SIK3: variants seen among roughly 807,000 people sequenced by gnomAD.
SIK3 encodes the protein serine/threonine-protein kinase SIK3.
A neutral mutation model predicts 144.2 loss-of-function variants in SIK3; 28 were observed. That is an observed-to-expected ratio of 0.19 (90% CI 0.14 to 0.27). SIK3 has a LOEUF of 0.27. Ranked by LOEUF, SIK3 falls within the 10% of genes least tolerant of loss-of-function variation. SIK3 has a pLI of 1.00. For synonymous variants in SIK3, 686 were observed against 676.3 expected, an observed-to-expected ratio of 1.01 and a Z score of -0.22; for missense variants, 1,319 against 1,776.0, an observed-to-expected ratio of 0.74 and a Z score of 4.62.
chr11:116,961,262 G>A (rs2135419442), intron 1 of SIK3, among the ~76,000 whole-genome samples: 1 of 152,330 alleles, frequency 6.6e-6, no homozygotes, highest in East Asian at 1.9e-4. Context: ...ATAACTGCCT[G>A]ATAAGACCAC....
chr11:116,913,006 ATGTCACTGGCCAAACC>A (rs1486878181), intron 4 of SIK3, among the ~76,000 whole-genome samples: 1 of 152,230 alleles, frequency 6.6e-6, no homozygotes, highest in African/African-American at 2.4e-5. Flanking sequence ...TTCCTATATA[ATGTCACTGGCCAAACC>A]ATATGACCTA....
intron 3 of SIK3, among the ~76,000 whole-genome samples, chr11:116,945,129 T>C (rs916916421): frequency 6.6e-6 from 1 of 152,056 alleles, no homozygotes; most frequent in Non-Finnish European, 1.5e-5. Flanking sequence ...CTGGCTCATT[T>C]TTTGTATTTT....
intron 4 of SIK3, among the ~76,000 whole-genome samples, chr11:116,925,766 T>C (rs1237549451): frequency 1.3e-5 from 2 of 152,206 alleles, no homozygotes; most frequent in Non-Finnish European, 2.9e-5. Flanking sequence ...CCACACACCT[T>C]TGTGGGAACT....
chr11:116,867,959 G>A lies in SIK3; in HGVS notation c.1939C>T (p.Pro647Ser). 1 of 1,546,308 alleles carries A rather than the reference G, an allele frequency of 6.5e-7. No homozygotes were observed. Among genetic ancestry groups the A allele is most frequent in the Non-Finnish European group, 8.7e-7 (1 of 1,144,560 alleles). The part of the protein sequence containing the change: ...RSRVWPPHLV[P>S]DQHRSTYKDS... ...GTGGCTACTCACCGATGCTGATCAG[G>A]TACCAGGTGAGGAGGCCAGACCCGG... Residue 647 changes from proline to serine, a missense_variant, in exon 15 of 25, where the codon CCT (proline) becomes TCT (serine). Physicochemically the swap from Pro to Ser is moderately conservative, Grantham distance 74. Around this residue, in one of 8 missense-constraint regions of SIK3, gnomAD observed 47 missense variants for 40.2 expected, o/e 1.17. Transcript: ENST00000445177. This position sits in a 1 kb window ranked among gnomAD's most constrained non-coding sequence, Gnocchi z 4.1.
chr11:116,875,623 C>T (rs573183885), intron 9 of SIK3, 172 bp from the exon 10 acceptor site: 28 of 796,848 alleles, frequency 3.5e-5, no homozygotes, highest in South Asian at 9.3e-5. Context: ...AGGATAGCAT[C>T]GCCTCATGAT....
chr11:117,090,004 C>T (rs1045917949), intron 1 of SIK3, among the ~76,000 whole-genome samples: 1 of 152,234 alleles, frequency 6.6e-6, no homozygotes, highest in Admixed American at 6.5e-5. Context: ...TTACTGATGG[C>T]TCATCCAACA....
intron 1 of SIK3, among the ~76,000 whole-genome samples, chr11:117,021,959 A>AAAAAAAC (rs1565565812): frequency 7.1e-6 from 1 of 141,468 alleles, no homozygotes; most frequent in African/African-American, 2.7e-5. Flanking sequence ...AAAAAAAAAA[A>AAAAAAAC]AACCTAAAAA....
chr11:116,941,918 T>C (rs547586851), intron 3 of SIK3, among the ~76,000 whole-genome samples: 101 of 152,320 alleles, frequency 6.6e-4, no homozygotes, highest in African/African-American at 2.2e-3. Flanking sequence ...TCAATTCTGT[T>C]TGTAACATTA....
Position 116,846,624 on chromosome 11 carries a change from G to A in SIK3, c.3953-71C>T, listed in dbSNP as rs1006618651. 4 of 1,577,138 alleles carry A rather than the reference G, an allele frequency of 2.5e-6. No individual in the cohort carries two copies. In the Admixed American group the frequency reaches 5.1e-5, roughly 20 times the overall value. ...ACTAGGAGAGCAAGGGGGAGAGAGA[G>A]GAGGAATTGAAGGCAACCTGTCGAG... On this transcript the variant is annotated intron_variant, in intron 23 of 24. Coordinates refer to ENST00000445177, the MANE Select transcript of SIK3 (RefSeq NM_001366686.3). The surrounding 1 kb of genome is among the most constrained non-coding windows in gnomAD (Gnocchi z 4.1).
intron 18 of SIK3, 123 bp downstream of exon 18, chr11:116,861,718 C>T: frequency 1.4e-6 from 1 of 691,626 alleles, no homozygotes; most frequent in Non-Finnish European, 2.4e-6. Flanking sequence ...AGTGGTTTCT[C>T]TCCTTTTCAA....
chr11:116,910,002 A>G, intron 4 of SIK3, among the ~76,000 whole-genome samples: 1 of 152,188 alleles, frequency 6.6e-6, no homozygotes, highest in East Asian at 1.9e-4. Context: ...TTTTAAAGGA[A>G]GAGTAAATAT....
At chr11:116,882,492 T>A (rs1374755721) in intron 6 of SIK3, among the ~76,000 whole-genome samples, 1 of 152,152 alleles carries the variant, frequency 6.6e-6, no homozygotes, top group Non-Finnish European at 1.5e-5. Flanking sequence ...AAACCCTGCA[T>A]GTGACACCAA....
intron 1 of SIK3, among the ~76,000 whole-genome samples, chr11:117,056,941 ACAGGT>A (rs1426886029): frequency 6.6e-6 from 1 of 152,232 alleles, no homozygotes; most frequent in Non-Finnish European, 1.5e-5. Context: ...TTTAAAAGAA[ACAGGT>A]CAATACGCTG....
intron 1 of SIK3, among the ~76,000 whole-genome samples, chr11:117,054,863 G>A (rs1953439347): frequency 6.6e-6 from 1 of 152,164 alleles, no homozygotes; most frequent in African/African-American, 2.4e-5. Flanking sequence ...AAGGAAGACA[G>A]GCAGACAGGC....
chr11:117,027,798 CCT>C (rs1952082281), intron 1 of SIK3, among the ~76,000 whole-genome samples: 1 of 152,076 alleles, frequency 6.6e-6, no homozygotes, highest in Non-Finnish European at 1.5e-5. Flanking sequence ...ACTGACTCCC[CCT>C]GACCCATCTT....
intron 1 of SIK3, among the ~76,000 whole-genome samples, chr11:117,029,619 T>C (rs560663954): frequency 3.4e-4 from 51 of 152,004 alleles, no homozygotes; most frequent in African/African-American, 1.2e-3. Flanking sequence ...AGGTAACAAA[T>C]TAGAGAGCTA....
chr11:116,851,227 G>T (rs1942410550), intron 21 of SIK3, among the ~76,000 whole-genome samples: 2 of 152,066 alleles, frequency 1.3e-5, no homozygotes, highest in Non-Finnish European at 2.9e-5. Flanking sequence ...AAAATAAGTT[G>T]TGTTTGCTTG....
Position 116,859,548 on chromosome 11 carries a change from G to A in SIK3, c.2482C>T (p.Gln828Ter). 1 of 1,614,228 alleles carries A rather than the reference G, an allele frequency of 6.2e-7. No homozygotes were observed. The highest frequency in any genetic ancestry group is 8.5e-7 in the Non-Finnish European group (1 of 1,180,050). The change falls in exon 20 of 25, where the codon CAG (glutamine) becomes TAG (stop). Residue 828 changes from glutamine (Q) to a stop codon, truncating the protein, a stop_gained. Transcript: ENST00000445177. LOFTEE classifies it high-confidence loss of function. ...GGAGAGGAACAGTTCTCAGGTTGCT[G>A]CTGAAAGATTGCACTGCGGGAAGGT... Reference protein sequence around the residue: ...GLPSRSAIFQQQPENCSSPPN... With the variant: ...GLPSRSAIFQ
chr11:116,858,433 T>C lies in SIK3; in HGVS notation c.3032A>G (p.Gln1011Arg), dbSNP rs868242059. 1 of 1,610,210 alleles carries C rather than the reference T, an allele frequency of 6.2e-7. No individual in the cohort carries two copies. Among genetic ancestry groups the C allele is most frequent in the South Asian group, 1.1e-5 (1 of 90,318 alleles). ...SPTPPDYTRH[Q>R]QVPHILQGLL... ...TCCTTGAAGGATGTGGGGTACCTGCTGGTGTCTTGTATAGTCTGGCGGCGT... is the reference window on the plus strand; with the variant it reads ...TCCTTGAAGGATGTGGGGTACCTGCCGGTGTCTTGTATAGTCTGGCGGCGT... The change falls in exon 21 of 25, where the codon CAG (glutamine) becomes CGG (arginine). Residue 1011 changes from glutamine (Q) to arginine (R), a missense_variant. This residue lies in a region of SIK3 where 646 missense variants were observed against 763.7 expected (regional missense o/e 0.85). Coordinates refer to ENST00000445177, the MANE Select transcript of SIK3 (RefSeq NM_001366686.3). This position sits in a 1 kb window ranked among gnomAD's most constrained non-coding sequence, Gnocchi z 5.4.
Sources: allele counts gnomAD v4.1 joint callset (sites outside exome capture counted in the v4.1 genomes callset), GRCh38; gene constraint gnomAD v4.1.1; regional missense constraint gnomAD v4.1.1; non-coding constraint Gnocchi (gnomAD v3.1); transcripts MANE v1.5; gene names NCBI Gene and HGNC (gene_info 2026-07-23, HGNC 2026-07-21).